Variants in RAD9B observed in about 807,000 individuals in gnomAD.
RAD9B encodes RAD9 checkpoint clamp component B, also known as cell cycle checkpoint control protein RAD9B.
A neutral mutation model predicts 48.3 loss-of-function variants in RAD9B; 41 were observed. The ratio of observed to expected loss-of-function variants is 0.85; its 90% CI spans 0.66 to 1.10. The LOEUF is 1.10. RAD9B is among the 50% of genes least tolerant of loss of function. The pLI, the probability that RAD9B is intolerant of heterozygous loss-of-function variation, is 0.00. For synonymous variants in RAD9B, 160 were observed against 157.9 expected, an observed-to-expected ratio of 1.01 and a Z score of -0.10; for missense variants, 444 against 485.1, an observed-to-expected ratio of 0.92 and a Z score of 0.80.
At chr12:110,519,169 T>C (rs2063697453) in intron 8 of RAD9B, among the ~76,000 whole-genome samples, 1 of 152,204 alleles carries the variant, frequency 6.6e-6, no homozygotes, top group African/African-American at 2.4e-5. Context: ...AGTGGCATGA[T>C]CTCGGCTTAC....
intron 10 of RAD9B, among the ~76,000 whole-genome samples, chr12:110,524,669 A>G (rs944729029): frequency 1.3e-5 from 2 of 151,754 alleles, no homozygotes; most frequent in Non-Finnish European, 2.9e-5. Context: ...TGGGAGGCCG[A>G]GGTGGGCAGA....
rs952234848 is a variant in RAD9B at position 110,531,289 on chromosome 12, T to C, written c.*636T>C. The C allele has an allele frequency of 5.0e-5, 24 of 476,814 alleles. No homozygotes were observed. The South Asian group carries it at 6.3e-4, about 13-fold the overall frequency. 29.5% of individuals were successfully genotyped at this position (476,814 alleles called of 1,614,324 possible). Reference sequence around the variant, plus strand: ...CTCACTGCAACATCTGCCTCCCAGGTCCAAGCGATTCTCCTGCCTCAGCCT... The same window carrying C: ...CTCACTGCAACATCTGCCTCCCAGGCCCAAGCGATTCTCCTGCCTCAGCCT... On this transcript the variant is annotated 3_prime_UTR_variant, in exon 11 of 11. Coordinates refer to ENST00000409300, the MANE Select transcript of RAD9B (RefSeq NM_001286535.2).
chr12:110,519,683 G>A lies in RAD9B; in HGVS notation c.768-111G>A, dbSNP rs139056003. On this transcript the variant is annotated intron_variant, in intron 8 of 10. Coordinates refer to ENST00000409300, the MANE Select transcript of RAD9B (RefSeq NM_001286535.2). ...ACTCGCAACCTCAGATGATCCACCC[G>A]CCTTGGCCTCCCCTGTTTCTTTTTA... The A allele has an allele frequency of 2.0e-4, 240 of 1,210,066 alleles. No individual in the cohort carries two copies. In the East Asian group the frequency reaches 5.5e-3, roughly 28 times the overall value. The allele number at this position is 1,210,066 out of a possible 1,614,324, so 75.0% of individuals were successfully genotyped here. A position where few individuals can be genotyped will look rare whatever the true frequency, so the allele number is the denominator to read the frequency against.
At chr12:110,520,650 G>GTT (rs1232808618) in intron 9 of RAD9B, among the ~76,000 whole-genome samples, 34 of 69,640 alleles carry the variant, frequency 4.9e-4, no homozygotes, top group South Asian at 1.3e-3. Context: ...TTTTTTTGTT[G>GTT]TTTTTTTTTT....
chr12:110,527,748 G>A (rs1251336608), intron 10 of RAD9B, among the ~76,000 whole-genome samples: 1 of 152,198 alleles, frequency 6.6e-6, no homozygotes, highest in Non-Finnish European at 1.5e-5. Flanking sequence ...GAAAGGCTGT[G>A]TTTAGTTCAA....
At chr12:110,528,936 C>A (rs1386729838) in intron 10 of RAD9B, among the ~76,000 whole-genome samples, 1 of 152,144 alleles carries the variant, frequency 6.6e-6, no homozygotes, top group Non-Finnish European at 1.5e-5. Flanking sequence ...CCATCTTGCT[C>A]AGGCTGGTCT....
chr12:110,514,362 A>G lies in RAD9B; in HGVS notation c.489-688A>G, dbSNP rs536140603. ...TAAAAAGACAGCCCAGCTGTAAAAAATAAGTAAAGGATTTTAATAGTCATT... is the reference window on the plus strand; with the variant it reads ...TAAAAAGACAGCCCAGCTGTAAAAAGTAAGTAAAGGATTTTAATAGTCATT... On this transcript the variant is annotated intron_variant, in intron 5 of 10. Coordinates refer to ENST00000409300, the MANE Select transcript of RAD9B (RefSeq NM_001286535.2). Among the ~76,000 whole-genome samples the G allele has an allele frequency of 1.4e-3, 210 of 152,344 alleles. 1 individual carries two copies. The highest frequency in any genetic ancestry group is 4.8e-3 in the African/African-American group (199 of 41,582).
chr12:110,522,024 A>T (rs899510985), intron 9 of RAD9B, among the ~76,000 whole-genome samples, 153 bp from the exon 10 acceptor site: 3 of 152,210 alleles, frequency 2.0e-5, no homozygotes, highest in Non-Finnish European at 4.4e-5. Context: ...ATGATCATAT[A>T]TATAAATTTT....
chr12:110,512,490 A>G (rs1425003261), intron 4 of RAD9B, among the ~76,000 whole-genome samples: 1 of 152,198 alleles, frequency 6.6e-6, no homozygotes, highest in Non-Finnish European at 1.5e-5. Flanking sequence ...TGTATCAATA[A>G]AAATATATTA....
Position 110,518,734 on chromosome 12 carries a change from T to C in RAD9B, c.654T>C (p.Phe218=), listed in dbSNP as rs773364952. The change falls in exon 7 of 11, where the codon TTT becomes TTC. Residue 218 remains phenylalanine, a synonymous_variant. Coordinates refer to ENST00000409300, the MANE Select transcript of RAD9B (RefSeq NM_001286535.2). ...MFVGSDEFDF[F]QIGMDTEITF... ...TTGGCTCAGATGAGTTTGACTTCTT[T>C]CAAATTGGAATGGACACTGAGATAA... 5 of 1,612,078 alleles carry C rather than the reference T, an allele frequency of 3.1e-6. No homozygotes were observed. The African/African-American group carries it at 4.0e-5, about 13-fold the overall frequency.
chr12:110,512,970 ATTTTT>A, intron 5 of RAD9B, 92 bp downstream of exon 5: 1 of 564,096 alleles, frequency 1.8e-6, no homozygotes, highest in Non-Finnish European at 3.1e-6. Context: ...CAGTCGGCAC[ATTTTT>A]TTTTTTTTTA....
At chr12:110,520,194 T>TTGTTG (rs1565895010) in intron 9 of RAD9B, among the ~76,000 whole-genome samples, 14 of 151,642 alleles carry the variant, frequency 9.2e-5, no homozygotes, top group African/African-American at 3.4e-4. Flanking sequence ...ATTTTTAGTT[T>TTGTTG]TTGTTGTTGT....
chr12:110,513,883 C>T (rs945751511), intron 5 of RAD9B, among the ~76,000 whole-genome samples: 5 of 151,808 alleles, frequency 3.3e-5, no homozygotes, highest in African/African-American at 1.2e-4. Context: ...GCCACCATGC[C>T]TGGCTAATTT....
Position 110,531,123 on chromosome 12 carries a change from GT to G in RAD9B, c.*476del, listed in dbSNP as rs1452945831. 2.0e-5 allele frequency: 20 copies of G among 993,000 alleles called. No individual in the cohort carries two copies. Among genetic ancestry groups the G allele is most frequent in the Non-Finnish European group, 2.3e-5 (19 of 834,288 alleles). 61.5% of individuals were successfully genotyped at this position (993,000 alleles called of 1,614,324 possible). A position where few individuals can be genotyped will look rare whatever the true frequency, so the allele number is the denominator to read the frequency against. The stretch of plus-strand genomic sequence containing the variant: ...AATACCATGGCCTTTTTTGTGCATT[GT>G]TTTTTATATTTTAAGACTTTAAGTA... On this transcript the variant is annotated 3_prime_UTR_variant, in exon 11 of 11. Transcript: ENST00000409300.
rs114963798 is a variant in RAD9B at position 110,511,022 on chromosome 12, G to T, written c.389-1757G>T. On this transcript the variant is annotated intron_variant, in intron 4 of 10. Coordinates refer to ENST00000409300, the MANE Select transcript of RAD9B (RefSeq NM_001286535.2). ...GAAGAGGAGAGAAAAGAAAAGAAAA[G>T]AATTAACAAACCAGATGTTGAAATC... 7.7e-3 allele frequency among the ~76,000 whole-genome samples: 1,176 copies of T among 152,116 alleles called. 24 individuals are homozygous for T. The highest frequency in any genetic ancestry group is 0.026 in the African/African-American group (1,097 of 41,488).
Position 110,531,762 on chromosome 12 carries a change from C to A in RAD9B, c.*1109C>A. The A allele has an allele frequency of 2.5e-6, 2 of 798,680 alleles. No homozygotes were observed. The highest frequency in any genetic ancestry group is 1.7e-5 in the African/African-American group (1 of 57,358). 49.5% of individuals were successfully genotyped at this position (798,680 alleles called of 1,614,324 possible). ...CACAAATGGACTAAAAAATCTGGCA[C>A]AAAACATTGTTATGTAATGTCTTAT... is the stretch of plus-strand genomic sequence containing the variant. On this transcript the variant is annotated 3_prime_UTR_variant, in exon 11 of 11. Coordinates refer to ENST00000409300, the MANE Select transcript of RAD9B (RefSeq NM_001286535.2).
At position 110,502,331 on chromosome 12, in the gene RAD9B, A is replaced by G. The variant is rs1324990394; in HGVS notation, c.-7A>G. 1 of 1,613,160 alleles carries G rather than the reference A, an allele frequency of 6.2e-7. No individual in the cohort carries two copies. Among genetic ancestry groups the G allele is most frequent in the Non-Finnish European group, 8.5e-7 (1 of 1,179,618 alleles). On this transcript the variant is annotated 5_prime_UTR_variant, in exon 1 of 11. Transcript: ENST00000409300. ...GGCGCGCCTTCCGAGCCTGCTTTTTAGGGCGGATGGCAGCCATGCTGAAGT... is the reference window on the plus strand; with the variant it reads ...GGCGCGCCTTCCGAGCCTGCTTTTTGGGGCGGATGGCAGCCATGCTGAAGT...
intron 4 of RAD9B, among the ~76,000 whole-genome samples, chr12:110,512,232 T>A (rs2063483844): frequency 6.7e-6 from 1 of 149,634 alleles, no homozygotes; most frequent in Non-Finnish European, 1.5e-5. Flanking sequence ...CATGGCAACC[T>A]CTGCTTCCCA....
intron 4 of RAD9B, among the ~76,000 whole-genome samples, chr12:110,511,940 G>A (rs983358568): frequency 6.6e-6 from 1 of 151,688 alleles, no homozygotes; most frequent in African/African-American, 2.4e-5. Flanking sequence ...TCCACCTCCT[G>A]GGTTCAAGTG....
Sources: gnomAD v4.1 joint callset for allele counts (sites outside exome capture counted in the v4.1 genomes callset) on GRCh38, gnomAD v4.1.1 for gene constraint, MANE v1.5 for transcripts, NCBI Gene and HGNC (gene_info 2026-07-23, HGNC 2026-07-21) for gene names.